RRP15: variants seen among roughly 807,000 people sequenced by gnomAD.
The protein encoded by RRP15 is RRP15-like protein.
In RRP15, 18 loss-of-function variants were observed where a neutral mutation model predicts 27.1. That is an observed-to-expected ratio of 0.66 (90% CI 0.46 to 0.98). The LOEUF is 0.98. Among genes scored for constraint, RRP15 ranks in the 50% least tolerant of loss-of-function variants. RRP15 has a pLI of 0.00. For synonymous variants in RRP15, 107 were observed against 109.4 expected, an observed-to-expected ratio of 0.98 and a Z score of 0.14; for missense variants, 359 against 337.8, an observed-to-expected ratio of 1.06 and a Z score of -0.49.
In RRP15 at chr1:218,331,196, A is replaced by G; in HGVS notation, c.*105A>G. 9.1e-7 allele frequency: 1 copy of G among 1,094,772 alleles called. No individual in the cohort carries two copies. Among genetic ancestry groups the G allele is most frequent in the Non-Finnish European group, 1.3e-6 (1 of 789,580 alleles). 67.8% of individuals were successfully genotyped at this position (1,094,772 alleles called of 1,614,324 possible). On this transcript the variant is annotated 3_prime_UTR_variant, in exon 5 of 5. Coordinates refer to ENST00000366932, the MANE Select transcript of RRP15 (RefSeq NM_016052.4). ...AGGATACCATTTGTAAGAAAGCCAA[A>G]AGACTTTTGCCAGATTTCATATTTC...
chr1:218,286,075 G>C (rs1558199095), intron 1 of RRP15, among the ~76,000 whole-genome samples: 1 of 152,098 alleles, frequency 6.6e-6, no homozygotes, highest in African/African-American at 2.4e-5. Context: ...CAGCTTATTA[G>C]GTTACAAGGA....
At chr1:218,305,286 G>C (rs1655881423) in intron 3 of RRP15, among the ~76,000 whole-genome samples, 161 bp downstream of exon 3, 1 of 152,140 alleles carries the variant, frequency 6.6e-6, no homozygotes, top group Admixed American at 6.5e-5. Context: ...AGATTTTCCA[G>C]GTCTCGTGAA....
rs940977487 is a variant in RRP15 at position 218,331,642 on chromosome 1, A to G, written c.*551A>G. 2.8e-5 allele frequency: 4 copies of G among 142,430 alleles called. No individual in the cohort carries two copies. The highest frequency in any genetic ancestry group is 7.7e-5 in the African/African-American group (3 of 38,950). The allele number at this position is 142,430 out of a possible 1,614,324, so 8.8% of individuals were successfully genotyped here. A position where few individuals can be genotyped will look rare whatever the true frequency, so the allele number is the denominator to read the frequency against. On this transcript the variant is annotated 3_prime_UTR_variant, in exon 5 of 5. Transcript: ENST00000366932. ...TGGAAGATATGATTTAAGAAACAACAGATTTCAACTTTTTTTTTTTTTTTT... is the reference window on the plus strand; with the variant it reads ...TGGAAGATATGATTTAAGAAACAACGGATTTCAACTTTTTTTTTTTTTTTT...
chr1:218,302,536 GA>G lies in RRP15; in HGVS notation c.385del (p.Arg129AspfsTer2). On this transcript the variant is annotated frameshift_variant, in exon 2 of 5. Transcript: ENST00000366932. LOFTEE classifies it high-confidence loss of function. ...AAAGGAAAAAGAAAAGTTAAAGCAA[GA>G]AAGACTAGAGAAAATAAAACAGGTA... ...LEKEKEKLKQ[E>X]RLEKIKQRDK... 1.2e-6 allele frequency: 2 copies of G among 1,612,792 alleles called. No homozygotes were observed. The highest frequency in any genetic ancestry group is 1.7e-6 in the Non-Finnish European group (2 of 1,179,624).
intron 4 of RRP15, among the ~76,000 whole-genome samples, chr1:218,309,437 C>A (rs1388601158): frequency 1.3e-5 from 2 of 152,134 alleles, no homozygotes; most frequent in East Asian, 3.9e-4. Context: ...GTAATCCCAG[C>A]ACTTTGGGAG....
intron 1 of RRP15, among the ~76,000 whole-genome samples, chr1:218,293,832 T>C (rs941883550): frequency 6.6e-6 from 1 of 152,192 alleles, no homozygotes; most frequent in African/African-American, 2.4e-5. Flanking sequence ...GACAGCTATA[T>C]CTCAGTTTGA....
In RRP15 at chr1:218,285,371, A is replaced by G. The variant is rs753861105; in HGVS notation, c.55A>G (p.Thr19Ala). ...GAGTGAGGAAGAAAACCTGAAAAAGACCCCAAAGAAGAAGATGAAAATGGT... is the reference window on the plus strand; with the variant it reads ...GAGTGAGGAAGAAAACCTGAAAAAGGCCCCAAAGAAGAAGATGAAAATGGT... Reference protein sequence around the residue: ...RVSEEENLKKTPKKKMKMVTG... With the variant: ...RVSEEENLKKAPKKKMKMVTG... Residue 19 changes from threonine to alanine, a missense_variant, in exon 1 of 5, where the codon ACC becomes GCC. Thr to Ala is a moderately conservative substitution (Grantham distance 58). Coordinates refer to ENST00000366932, the MANE Select transcript of RRP15 (RefSeq NM_016052.4). 6.2e-7 allele frequency: 1 copy of G among 1,613,898 alleles called. No homozygotes were observed. Among genetic ancestry groups the G allele is most frequent in the Non-Finnish European group, 8.5e-7 (1 of 1,180,002 alleles).
intron 4 of RRP15, among the ~76,000 whole-genome samples, chr1:218,324,681 A>G (rs900997603): frequency 6.6e-6 from 1 of 152,234 alleles, no homozygotes; most frequent in African/African-American, 2.4e-5. Flanking sequence ...AGATTTAATT[A>G]TCTTACACAG....
intron 4 of RRP15, among the ~76,000 whole-genome samples, chr1:218,315,152 G>C (rs1656068413): frequency 1.3e-5 from 2 of 152,054 alleles, no homozygotes; most frequent in Non-Finnish European, 2.9e-5. Context: ...ATAGAGGTAA[G>C]GTAGGGTACT....
At chr1:218,293,902 A>G (rs1269939425) in intron 1 of RRP15, among the ~76,000 whole-genome samples, 2 of 152,100 alleles carry the variant, frequency 1.3e-5, no homozygotes, top group Non-Finnish European at 2.9e-5. Flanking sequence ...ATAAATTGGA[A>G]ATTTCTCTTA....
chr1:218,328,752 G>C (rs6671534), intron 4 of RRP15, among the ~76,000 whole-genome samples: 1 of 152,066 alleles, frequency 6.6e-6, no homozygotes, highest in East Asian at 1.9e-4. Flanking sequence ...TAGGAGAGGA[G>C]TAGAGGAGTA....
rs959005216 is a variant in RRP15 at position 218,335,781 on chromosome 1, A to G, written c.*4690A>G. ...TTTTATTGATATAATTTAGGCATAT[A>G]CAAATACTGGTGAAATTTTATTGAT... On this transcript the variant is annotated 3_prime_UTR_variant, in exon 5 of 5. Coordinates refer to ENST00000366932, the MANE Select transcript of RRP15 (RefSeq NM_016052.4). The G allele has an allele frequency of 6.6e-6, 1 of 152,198 alleles. No homozygotes were observed. Among genetic ancestry groups the G allele is most frequent in the African/African-American group, 2.4e-5 (1 of 41,466 alleles). The allele number at this position is 152,198 out of a possible 1,614,324, so 9.4% of individuals were successfully genotyped here. A position where few individuals can be genotyped will look rare whatever the true frequency, so the allele number is the denominator to read the frequency against.
At chr1:218,318,029 C>G (rs1487662112) in intron 4 of RRP15, among the ~76,000 whole-genome samples, 2 of 151,928 alleles carry the variant, frequency 1.3e-5, no homozygotes, top group African/African-American at 4.8e-5. Flanking sequence ...ACTCCCAGCT[C>G]TTTTATAAAA....
chr1:218,296,954 C>T (rs1655726526), intron 1 of RRP15, among the ~76,000 whole-genome samples: 2 of 152,038 alleles, frequency 1.3e-5, no homozygotes, highest in Admixed American at 1.3e-4. Flanking sequence ...TTCTCTGTTC[C>T]CCAGGTCCTC....
At chr1:218,322,503 T>G (rs1212439289) in intron 4 of RRP15, among the ~76,000 whole-genome samples, 1 of 152,034 alleles carries the variant, frequency 6.6e-6, no homozygotes, top group African/African-American at 2.4e-5. Context: ...TGGAAATGGT[T>G]TAGGTGTACT....
intron 1 of RRP15, among the ~76,000 whole-genome samples, chr1:218,292,201 C>G (rs1180985451): frequency 6.6e-6 from 1 of 152,136 alleles, no homozygotes; most frequent in Non-Finnish European, 1.5e-5. Flanking sequence ...GCATACTGTA[C>G]TGTTAGAGGA....
In RRP15 at chr1:218,336,037, A is replaced by G. The variant is rs1234468762; in HGVS notation, c.*4946A>G. On this transcript the variant is annotated 3_prime_UTR_variant, in exon 5 of 5. Transcript: ENST00000366932. Reference sequence around the variant, plus strand: ...AAAAGAATGGGTTTATGATGCACCAAAAGGACATTTTGAGAACTGCCGGAG... The same window carrying G: ...AAAAGAATGGGTTTATGATGCACCAGAAGGACATTTTGAGAACTGCCGGAG... The G allele has an allele frequency of 6.6e-6, 1 of 152,170 alleles. No individual in the cohort carries two copies. The highest frequency in any genetic ancestry group is 1.5e-5 in the Non-Finnish European group (1 of 68,036). 9.4% of individuals were successfully genotyped at this position (152,170 alleles called of 1,614,324 possible).
rs1655825674 is a variant in RRP15, at chr1:218,302,410, G to T, written c.256G>T (p.Val86Phe). 1 of 1,613,972 alleles carries T rather than the reference G, an allele frequency of 6.2e-7. No individual in the cohort carries two copies. The highest frequency in any genetic ancestry group is 1.7e-5 in the Admixed American group (1 of 59,984). Residue 86 changes from valine to phenylalanine, a missense_variant, in exon 2 of 5, where the codon GTT (valine) becomes TTT (phenylalanine). Val to Phe is a conservative substitution (Grantham distance 50). Transcript: ENST00000366932. Reference sequence around the variant, plus strand: ...AAATGAAAATGATGGAGAATCAAGTGTTGGGACTAATATGGGCTGGGCAGA... The same window carrying T: ...AAATGAAAATGATGGAGAATCAAGTTTTGGGACTAATATGGGCTGGGCAGA... ...KENENDGESS[V>F]GTNMGWADAM...
rs550873192 is a variant in RRP15 at position 218,320,163 on chromosome 1, A to T, written c.706-10785A>T. Among the ~76,000 whole-genome samples the T allele has an allele frequency of 2.3e-3, 355 of 151,624 alleles. 3 individuals are homozygous for T. The highest frequency in any genetic ancestry group is 8.3e-3 in the African/African-American group (343 of 41,260). ...CCACGCTGGTGTGCTGCACCCATTA[A>T]CTCATCATTTAGCGTTAGATATATC... On this transcript the variant is annotated intron_variant, in intron 4 of 4. Transcript: ENST00000366932.
Sources: allele counts gnomAD v4.1 joint callset (sites outside exome capture counted in the v4.1 genomes callset), GRCh38; gene constraint gnomAD v4.1.1; transcripts MANE v1.5; gene names NCBI Gene and HGNC (gene_info 2026-07-23, HGNC 2026-07-21).